ARHGAP22: variants seen among roughly 807,000 people sequenced by gnomAD.
ARHGAP22 encodes the protein rho GTPase-activating protein 22.
In ARHGAP22, 48 loss-of-function variants were observed where a neutral mutation model predicts 59.1. The ratio of observed to expected loss-of-function variants is 0.81; its 90% CI spans 0.64 to 1.03. ARHGAP22 has a LOEUF of 1.03. ARHGAP22 is among the 50% of genes least tolerant of loss of function. The pLI, the probability that ARHGAP22 is intolerant of heterozygous loss-of-function variation, is 0.00. For synonymous variants in ARHGAP22, 445 were observed against 416.4 expected, an observed-to-expected ratio of 1.07 and a Z score of -0.84; for missense variants, 1,015 against 958.7, an observed-to-expected ratio of 1.06 and a Z score of -0.78.
At chr10:48,451,529 T>C in intron 8 of ARHGAP22, 1 of 702,452 alleles carries the variant, frequency 1.4e-6, no homozygotes, top group Non-Finnish European at 2.6e-6. Flanking sequence ...CACCCCTCTG[T>C]GCTGCTGACA....
chr10:48,648,744 C>T (rs368799422), intron 1 of ARHGAP22, among the ~76,000 whole-genome samples: 5 of 152,098 alleles, frequency 3.3e-5, no homozygotes, highest in Non-Finnish European at 5.9e-5. Context: ...GCAGGGAGGC[C>T]GGCACTGCTG....
intron 3 of ARHGAP22, chr10:48,524,009 G>T: frequency 6.9e-7 from 1 of 1,442,574 alleles, no homozygotes; most frequent in Non-Finnish European, 9.1e-7. Context: ...GCAGCCTCTG[G>T]CGGCGGCCGC....
chr10:48,643,519 C>T (rs555712913), intron 1 of ARHGAP22, among the ~76,000 whole-genome samples: 14 of 151,450 alleles, frequency 9.2e-5, no homozygotes, highest in Admixed American at 4.6e-4. Context: ...AACCAAACAT[C>T]GCATGTTCTC....
In ARHGAP22 at chr10:48,446,603, C is replaced by T; in HGVS notation, c.1885G>A (p.Ala629Thr). Residue 629 changes from alanine to threonine, a missense_variant, in exon 10 of 10, where the codon GCT (alanine) becomes ACT (threonine). By Grantham distance (58) the Ala-to-Thr change is moderately conservative (BLOSUM62 0). Coordinates refer to ENST00000249601, the MANE Select transcript of ARHGAP22 (RefSeq NM_021226.4). Reference protein sequence around the residue: ...RSVKRIEEGSADLRKRMSRLE... With the variant: ...RSVKRIEEGSTDLRKRMSRLE... ...CGGGACATTCGTTTTCTCAGGTCAG[C>T]ACTCCCTTCTTCGATTCTGAAAAGT... 6.2e-7 allele frequency: 1 copy of T among 1,614,026 alleles called. No homozygotes were observed. Among genetic ancestry groups the T allele is most frequent in the South Asian group, 1.1e-5 (1 of 91,064 alleles).
At chr10:48,595,425 G>A (rs982952252) in intron 1 of ARHGAP22, among the ~76,000 whole-genome samples, 5 of 152,200 alleles carry the variant, frequency 3.3e-5, no homozygotes, top group East Asian at 1.9e-4. Flanking sequence ...GTCCCACACC[G>A]TCCTGGGAAT....
At chr10:48,554,238 G>A (rs576931059) in intron 3 of ARHGAP22, among the ~76,000 whole-genome samples, 9 of 152,192 alleles carry the variant, frequency 5.9e-5, no homozygotes, top group Non-Finnish European at 1.0e-4. Context: ...GTATGGACAG[G>A]ACAAAGGTAG....
intron 1 of ARHGAP22, among the ~76,000 whole-genome samples, chr10:48,634,760 C>T (rs923585720): frequency 2.6e-5 from 4 of 152,158 alleles, no homozygotes; most frequent in Non-Finnish European, 4.4e-5. Flanking sequence ...CCCACCGCCC[C>T]ATACAGAAAG....
At chr10:48,494,993 T>C (rs951098660) in intron 3 of ARHGAP22, among the ~76,000 whole-genome samples, 1 of 152,186 alleles carries the variant, frequency 6.6e-6, no homozygotes, top group African/African-American at 2.4e-5. Flanking sequence ...AGAGCCTTCG[T>C]CAAGGAGCTG....
At chr10:48,595,878 G>T (rs1215051264) in intron 1 of ARHGAP22, among the ~76,000 whole-genome samples, 2 of 152,130 alleles carry the variant, frequency 1.3e-5, no homozygotes, top group African/African-American at 4.8e-5. Context: ...TCCATCTAAG[G>T]GGATCTAGAG....
At chr10:48,439,735 C>T in the ARHGAP22 span, among the ~76,000 whole-genome samples, 1 of 152,154 alleles carries the variant, frequency 6.6e-6, no homozygotes, top group African/African-American at 2.4e-5. Context: ...CAACTTTTGC[C>T]ATGCTTATTT....
intron 3 of ARHGAP22, among the ~76,000 whole-genome samples, chr10:48,519,118 G>C (rs1355334183): frequency 6.6e-6 from 1 of 152,196 alleles, no homozygotes; most frequent in Non-Finnish European, 1.5e-5. Context: ...GAATGGCAGA[G>C]CAGGAGGCAG....
chr10:48,433,394 T>C, the ARHGAP22 span, among the ~76,000 whole-genome samples: 1 of 152,264 alleles, frequency 6.6e-6, no homozygotes, highest in South Asian at 2.1e-4. Flanking sequence ...CATTGTGTAC[T>C]ATGTATGGTA....
intron 3 of ARHGAP22, among the ~76,000 whole-genome samples, chr10:48,519,744 G>A (rs2053631103): frequency 6.6e-6 from 1 of 152,234 alleles, no homozygotes; most frequent in African/African-American, 2.4e-5. Context: ...AGGCCCATTT[G>A]ATGGCATCTT....
Position 48,583,146 on chromosome 10 carries a change from G to A in ARHGAP22, c.41C>T (p.Ser14Phe), listed in dbSNP as rs370077074. 1 of 1,613,804 alleles carries A rather than the reference G, an allele frequency of 6.2e-7. No individual in the cohort carries two copies. The highest frequency in any genetic ancestry group is 1.1e-5 in the South Asian group (1 of 91,038). ...PKIRQARRAR[S>F]KSLVMGEQSR... is the part of the protein sequence containing the mutation. The stretch of plus-strand genomic sequence containing the variant: ...CTGCTCCCCCATCACTAGGCTTTTG[G>A]AGCGGGCTGAAAGCCAAGGACACAC... Residue 14 changes from serine (S) to phenylalanine (F), a missense_variant, in exon 2 of 10, where the codon TCC becomes TTC. Coordinates refer to ENST00000249601, the MANE Select transcript of ARHGAP22 (RefSeq NM_021226.4).
intron 1 of ARHGAP22, among the ~76,000 whole-genome samples, chr10:48,646,643 G>GCAA (rs890230294): frequency 1.1e-4 from 16 of 152,092 alleles, no homozygotes; most frequent in East Asian, 5.8e-4. Flanking sequence ...AACAGCAGCA[G>GCAA]CAACAACAAC....
chr10:48,483,982 G>C (rs144733421), intron 3 of ARHGAP22, among the ~76,000 whole-genome samples: 65 of 152,230 alleles, frequency 4.3e-4, no homozygotes, highest in African/African-American at 1.6e-3. Flanking sequence ...TTCCCTCTAT[G>C]TTTTCTTCCA....
intron 7 of ARHGAP22, 43 bp downstream of exon 7, chr10:48,454,045 G>A (rs1245904335): frequency 6.3e-7 from 1 of 1,581,170 alleles, no homozygotes; most frequent in South Asian, 1.1e-5. Context: ...GGAGCGTGGA[G>A]CCAGTGCAGG....
chr10:48,568,943 C>T (rs1053313600), intron 2 of ARHGAP22, among the ~76,000 whole-genome samples: 5 of 152,300 alleles, frequency 3.3e-5, no homozygotes, highest in Admixed American at 6.5e-5. Context: ...AGACTGGGAG[C>T]GCTGGTGCTG....
intron 1 of ARHGAP22, among the ~76,000 whole-genome samples, chr10:48,594,173 A>G (rs2059931116): frequency 6.6e-6 from 1 of 152,216 alleles, no homozygotes; most frequent in South Asian, 2.1e-4. Context: ...CTCTGCCTGC[A>G]TGGAGCTCCC....
Sources: gnomAD v4.1 joint callset for allele counts (sites outside exome capture counted in the v4.1 genomes callset) on GRCh38, gnomAD v4.1.1 for gene constraint, MANE v1.5 for transcripts, NCBI Gene and HGNC (gene_info 2026-07-23, HGNC 2026-07-21) for gene names.